Variants in ABCC4 observed in about 807,000 individuals in gnomAD.
The protein encoded by ABCC4 is ATP binding cassette subfamily C member 4 (PEL blood group), also known as ATP-binding cassette sub-family C member 4.
ABCC4 carries 102 observed loss-of-function variants against 168.5 expected under a neutral mutation model. The ratio of observed to expected loss-of-function variants is 0.61; its 90% CI spans 0.52 to 0.71. ABCC4 has a LOEUF of 0.71. Among genes scored for constraint, ABCC4 ranks in the 30% least tolerant of loss-of-function variants. The pLI, the probability that ABCC4 is intolerant of heterozygous loss-of-function variation, is 0.00. For synonymous variants in ABCC4, 617 were observed against 590.7 expected (o/e 1.04, Z -0.65); for missense variants, 1,402 against 1,605.8 (o/e 0.87, Z 2.17).
At chr13:95,166,033 A>G in intron 15 of ABCC4, 125 bp downstream of exon 15, 1 of 890,480 alleles carries the variant, frequency 1.1e-6, no homozygotes, top group Non-Finnish European at 1.7e-6. Flanking sequence ...CATGGAATAG[A>G]GCCCTGAAAC....
intron 29 of ABCC4, among the ~76,000 whole-genome samples, chr13:95,037,525 T>C (rs1188891796): frequency 2.6e-5 from 4 of 152,252 alleles, no homozygotes; most frequent in Non-Finnish European, 4.4e-5. Context: ...TTAAACAACT[T>C]AGCCTAGGCT....
intron 26 of ABCC4, among the ~76,000 whole-genome samples, chr13:95,061,124 C>G (rs1311100866): frequency 6.6e-6 from 1 of 152,194 alleles, no homozygotes; most frequent in Non-Finnish European, 1.5e-5. Context: ...GGATAGACCA[C>G]GTTTTATTCA....
At chr13:95,184,246 A>C (rs1341634248) in intron 11 of ABCC4, among the ~76,000 whole-genome samples, 3 of 152,124 alleles carry the variant, frequency 2.0e-5, no homozygotes, top group Non-Finnish European at 4.4e-5. Context: ...TCCCCCAGAG[A>C]CTTTCTGATG....
chr13:95,225,009 C>T (rs2039414421), intron 4 of ABCC4, among the ~76,000 whole-genome samples: 1 of 151,948 alleles, frequency 6.6e-6, no homozygotes, highest in Admixed American at 6.6e-5. Context: ...ACTTTAAATA[C>T]AAGTGAATCC....
At chr13:95,281,909 C>T (rs1454854843) in intron 1 of ABCC4, among the ~76,000 whole-genome samples, 1 of 152,120 alleles carries the variant, frequency 6.6e-6, no homozygotes, top group African/African-American at 2.4e-5. Flanking sequence ...GAGTTCGAGA[C>T]CAGGCTGGCC....
At chr13:95,067,681 A>T (rs2033595228) in intron 25 of ABCC4, among the ~76,000 whole-genome samples, 1 of 152,164 alleles carries the variant, frequency 6.6e-6, no homozygotes, top group South Asian at 2.1e-4. Context: ...CTGTGAGAGG[A>T]GGGGTTTCTC....
intron 30 of ABCC4, 92 bp from the exon 31 acceptor site, chr13:95,021,774 G>C: frequency 1.2e-6 from 1 of 849,376 alleles, no homozygotes; most frequent in Non-Finnish European, 1.8e-6. Flanking sequence ...ACTTCTTCAT[G>C]TGAAGCAAAT....
chr13:95,101,728 C>T (rs919051399), intron 20 of ABCC4, among the ~76,000 whole-genome samples: 4 of 152,134 alleles, frequency 2.6e-5, no homozygotes, highest in Non-Finnish European at 5.9e-5. Flanking sequence ...GATTTTGATA[C>T]TGTGGTTCCA....
At chr13:95,075,613 C>A (rs1594054706) in intron 21 of ABCC4, 62 bp from the exon 22 acceptor site, 1 of 1,605,648 alleles carries the variant, frequency 6.2e-7, no homozygotes. Context: ...CTGCGGCCTC[C>A]CAAGCTCCAT....
At chr13:95,286,765 T>C (rs2041266508) in intron 1 of ABCC4, among the ~76,000 whole-genome samples, 1 of 151,886 alleles carries the variant, frequency 6.6e-6, no homozygotes, top group South Asian at 2.1e-4. Flanking sequence ...GAGACCAGCC[T>C]GGCCAACATG....
intron 19 of ABCC4, among the ~76,000 whole-genome samples, chr13:95,122,352 C>T (rs970738439): frequency 6.6e-6 from 1 of 152,142 alleles, no homozygotes; most frequent in African/African-American, 2.4e-5. Context: ...CACAACAACC[C>T]ACGCCTAACT....
intron 3 of ABCC4, among the ~76,000 whole-genome samples, chr13:95,246,621 C>G (rs1051068078): frequency 2.0e-5 from 3 of 152,196 alleles, no homozygotes; most frequent in African/African-American, 7.2e-5. Context: ...GCTGTAGGAT[C>G]CTCTTTTGAC....
intron 4 of ABCC4, among the ~76,000 whole-genome samples, chr13:95,224,874 A>AT (rs1467953623): frequency 6.6e-6 from 1 of 152,140 alleles, no homozygotes; most frequent in Non-Finnish European, 1.5e-5. Context: ...TTTAAAAACT[A>AT]TTTTTTTCTT....
chr13:95,208,203 G>A (rs552385711), intron 6 of ABCC4, among the ~76,000 whole-genome samples: 1 of 152,126 alleles, frequency 6.6e-6, no homozygotes, highest in East Asian at 1.9e-4. Context: ...GAGCTCACAG[G>A]TGGGCAGGAA....
At chr13:95,037,040 T>C (rs2032149307) in intron 29 of ABCC4, among the ~76,000 whole-genome samples, 2 of 132,900 alleles carry the variant, frequency 1.5e-5, no homozygotes, top group Non-Finnish European at 3.0e-5. Context: ...GCCAAGATCA[T>C]GCCACTGCAC....
chr13:95,155,928 C>T (rs905077005), intron 19 of ABCC4, among the ~76,000 whole-genome samples: 1 of 152,144 alleles, frequency 6.6e-6, no homozygotes, highest in Admixed American at 6.6e-5. Flanking sequence ...ATTGTAGAGA[C>T]CTGATAAGAA....
At chr13:95,071,255 C>T (rs1031425835) in intron 25 of ABCC4, among the ~76,000 whole-genome samples, 1 of 152,104 alleles carries the variant, frequency 6.6e-6, no homozygotes, top group Non-Finnish European at 1.5e-5. Flanking sequence ...CAGACTAATA[C>T]AGGACCAAAG....
chr13:95,100,112 T>G (rs747206343), intron 20 of ABCC4, among the ~76,000 whole-genome samples: 1 of 152,296 alleles, frequency 6.6e-6, no homozygotes, highest in East Asian at 1.9e-4. Context: ...GTAATAGCTG[T>G]CCATTTTATC....
rs142750704 is a variant in ABCC4, at chr13:95,111,815, T to C, written c.2535+4107A>G. 2.0e-3 allele frequency among the ~76,000 whole-genome samples: 311 copies of C among 152,328 alleles called. 2 individuals are homozygous for C. The highest frequency in any genetic ancestry group is 3.7e-3 in the Non-Finnish European group (251 of 68,038). On this transcript the variant is annotated intron_variant, in intron 20 of 30. Transcript: ENST00000645237. Reference sequence around the variant, plus strand: ...GAATTTCCTTATCTCAGCGATTTCATCGGGAGAGTAATAAAATCTGTGCAT... The same window carrying C: ...GAATTTCCTTATCTCAGCGATTTCACCGGGAGAGTAATAAAATCTGTGCAT...
Sources: gnomAD v4.1 joint callset for allele counts (sites outside exome capture counted in the v4.1 genomes callset) on GRCh38, gnomAD v4.1.1 for gene constraint, MANE v1.5 for transcripts, NCBI Gene and HGNC (gene_info 2026-07-23, HGNC 2026-07-21) for gene names.